ANTXR1: variants seen among roughly 807,000 people sequenced by gnomAD.
ANTXR1 encodes anthrax toxin receptor 1.
ANTXR1 carries 19 observed loss-of-function variants against 78.1 expected under a neutral mutation model. That is an observed-to-expected ratio of 0.24 (90% CI 0.17 to 0.36). ANTXR1 has a LOEUF of 0.36. ANTXR1 is among the 10% of genes least tolerant of loss of function. The pLI is 1.00. For synonymous variants in ANTXR1, 273 were observed against 260.5 expected, an observed-to-expected ratio of 1.05 and a Z score of -0.46; for missense variants, 518 against 718.6, an observed-to-expected ratio of 0.72 and a Z score of 3.19.
chr2:69,126,949 C>T (rs1476889555), intron 12 of ANTXR1, among the ~76,000 whole-genome samples: 2 of 152,166 alleles, frequency 1.3e-5, no homozygotes, highest in Non-Finnish European at 2.9e-5. Flanking sequence ...TATTCGTTTA[C>T]AACAAAATTA....
At chr2:69,209,677 C>T (rs143628751) in intron 17 of ANTXR1, among the ~76,000 whole-genome samples, 3 of 152,288 alleles carry the variant, frequency 2.0e-5, no homozygotes, top group East Asian at 1.9e-4. Flanking sequence ...GGAGCTGCTA[C>T]GTTAAGATCA....
intron 12 of ANTXR1, among the ~76,000 whole-genome samples, chr2:69,151,638 G>A (rs563967534): frequency 6.6e-6 from 1 of 152,244 alleles, no homozygotes; most frequent in South Asian, 2.1e-4. Context: ...CCGTTGCTCT[G>A]CCCCCACCCC....
intron 9 of ANTXR1, among the ~76,000 whole-genome samples, chr2:69,095,720 C>G (rs932814052): frequency 1.3e-5 from 2 of 152,204 alleles, no homozygotes; most frequent in Non-Finnish European, 2.9e-5. Context: ...GCTCTCCCCC[C>G]ATAGAATCAT....
intron 17 of ANTXR1, among the ~76,000 whole-genome samples, chr2:69,199,662 C>A (rs542324570): frequency 1.3e-5 from 2 of 152,098 alleles, no homozygotes; most frequent in Non-Finnish European, 1.5e-5. Flanking sequence ...AAGGTCCCCC[C>A]CTAAAGGTTC....
intron 8 of ANTXR1, among the ~76,000 whole-genome samples, chr2:69,088,846 A>T (rs1671137690): frequency 6.6e-6 from 1 of 152,152 alleles, no homozygotes; most frequent in African/African-American, 2.4e-5. Context: ...TTAGACTGAC[A>T]ATGAGTGGAA....
At chr2:69,153,936 C>T (rs1673463159) in intron 13 of ANTXR1, among the ~76,000 whole-genome samples, 1 of 152,156 alleles carries the variant, frequency 6.6e-6, no homozygotes, top group Non-Finnish European at 1.5e-5. Context: ...ACAATAAGAG[C>T]TCCCACCTCA....
At chr2:69,093,770 T>C (rs191293601) in intron 9 of ANTXR1, among the ~76,000 whole-genome samples, 3 of 152,360 alleles carry the variant, frequency 2.0e-5, no homozygotes, top group Admixed American at 2.0e-4. Flanking sequence ...CTTTAGATTT[T>C]CTTAAAATCT....
chr2:69,239,397 C>T (rs571008308), intron 17 of ANTXR1, among the ~76,000 whole-genome samples: 49 of 152,072 alleles, frequency 3.2e-4, no homozygotes, highest in Non-Finnish European at 5.9e-4. Flanking sequence ...AGCGAAACCC[C>T]GTCTCTACTA....
intron 10 of ANTXR1, among the ~76,000 whole-genome samples, chr2:69,121,595 A>C (rs1387464776): frequency 6.6e-6 from 1 of 152,258 alleles, no homozygotes; most frequent in Non-Finnish European, 1.5e-5. Context: ...TATATTCTGC[A>C]GTCATGACTT....
chr2:69,077,446 C>T lies in ANTXR1; in HGVS notation c.600C>T (p.Pro200=), dbSNP rs374067067. 7.4e-6 allele frequency: 12 copies of T among 1,614,118 alleles called. No individual in the cohort carries two copies. The highest frequency in any genetic ancestry group is 4.0e-5 in the African/African-American group (3 of 75,028). ...CGGACAGTAAGGATCATGTGTTTCCCGTGAATGACGGCTTTCAGGCTCTGC... is the reference window on the plus strand; with the variant it reads ...CGGACAGTAAGGATCATGTGTTTCCTGTGAATGACGGCTTTCAGGCTCTGC... ...RIADSKDHVF[P]VNDGFQALQG... The change falls in exon 8 of 18, where the codon CCC becomes CCT. Residue 200 remains proline, a synonymous_variant. Coordinates refer to ENST00000303714, the MANE Select transcript of ANTXR1 (RefSeq NM_032208.3).
intron 13 of ANTXR1, among the ~76,000 whole-genome samples, chr2:69,166,869 A>T (rs1214513475): frequency 6.6e-6 from 1 of 152,232 alleles, no homozygotes; most frequent in Non-Finnish European, 1.5e-5. Flanking sequence ...GTTGGAAACA[A>T]ATAATTATGC....
At chr2:69,117,788 G>C (rs1057304057) in intron 10 of ANTXR1, among the ~76,000 whole-genome samples, 3 of 152,160 alleles carry the variant, frequency 2.0e-5, no homozygotes, top group Non-Finnish European at 4.4e-5. Context: ...CATCACCACT[G>C]TTTATAGATG....
intron 17 of ANTXR1, among the ~76,000 whole-genome samples, chr2:69,193,670 G>A (rs777670157): frequency 2.0e-5 from 3 of 152,168 alleles, no homozygotes; most frequent in Non-Finnish European, 2.9e-5. Context: ...TTCTGAAAAG[G>A]ATTTTGACAG....
At chr2:69,237,608 T>C (rs58491181) in intron 17 of ANTXR1, among the ~76,000 whole-genome samples, 16,049 of 152,118 alleles carry the variant, frequency 0.11, 2,679 homozygotes, top group African/African-American at 0.35. Flanking sequence ...TTTTTGTAGA[T>C]ACGGGGTCTC....
intron 3 of ANTXR1, among the ~76,000 whole-genome samples, chr2:69,051,277 C>CAAAAAAAAAAAAAAAAAAAAAAAA (rs938877141): frequency 2.9e-5 from 4 of 136,198 alleles, no homozygotes; most frequent in Non-Finnish European, 6.4e-5. Flanking sequence ...GACTCTGTCT[C>CAAAAAAAAAAAAAAAAAAAAAAAA]AAAAAAAAAA....
chr2:69,129,497 T>TA (rs1672655480), intron 12 of ANTXR1, among the ~76,000 whole-genome samples: 1 of 152,164 alleles, frequency 6.6e-6, no homozygotes. Context: ...CTCACGCCTG[T>TA]AATCCCAGCA....
At chr2:69,058,102 C>T (rs67716344) in intron 3 of ANTXR1, among the ~76,000 whole-genome samples, 24,417 of 152,102 alleles carry the variant, frequency 0.16, 2,347 homozygotes, top group East Asian at 0.28. Flanking sequence ...TAAGGAAAGA[C>T]GCCATCTCCA....
At chr2:69,053,581 A>G (rs898707910) in intron 3 of ANTXR1, among the ~76,000 whole-genome samples, 2 of 152,184 alleles carry the variant, frequency 1.3e-5, no homozygotes, top group East Asian at 1.9e-4. Context: ...TTTCTCTATT[A>G]TATCAGTTAG....
chr2:69,201,506 A>G (rs1024795613), intron 17 of ANTXR1, among the ~76,000 whole-genome samples: 2 of 152,208 alleles, frequency 1.3e-5, no homozygotes, highest in Non-Finnish European at 2.9e-5. Flanking sequence ...GACTTACTGC[A>G]AGAGTTTTAA....
Sources: gnomAD v4.1 joint callset for allele counts (sites outside exome capture counted in the v4.1 genomes callset) on GRCh38, gnomAD v4.1.1 for gene constraint, MANE v1.5 for transcripts, NCBI Gene and HGNC (gene_info 2026-07-23, HGNC 2026-07-21) for gene names.